LARP1B: variants seen among roughly 807,000 people sequenced by gnomAD.
The protein encoded by LARP1B is La ribonucleoprotein 1B.
A neutral mutation model predicts 114.2 loss-of-function variants in LARP1B; 76 were observed. That is an observed-to-expected ratio of 0.67 (90% CI 0.55 to 0.81). LARP1B has a LOEUF of 0.81. LARP1B is among the 30% of genes least tolerant of loss of function. LARP1B has a pLI of 0.00. For missense variants in LARP1B, 1,014 were observed against 1,075.8 expected (o/e 0.94, Z 0.80); for synonymous variants, 345 against 348.0 (o/e 0.99, Z 0.10).
chr4:128,221,666 A>G (rs969838526), intron 7 of LARP1B, among the ~76,000 whole-genome samples: 3 of 152,180 alleles, frequency 2.0e-5, no homozygotes, highest in Admixed American at 6.5e-5. Context: ...ACAGTACTGT[A>G]ATGCTTAATG....
At chr4:128,092,862 C>G in intron 7 of LARP1B, 1 of 985,392 alleles carries the variant, frequency 1.0e-6, no homozygotes, top group Non-Finnish European at 1.2e-6. Context: ...CTATTACTGT[C>G]TTTTTTGTAA....
At chr4:128,098,767 A>ATATTTTTTT (rs1328165907) in intron 8 of LARP1B, among the ~76,000 whole-genome samples, 2 of 35,034 alleles carry the variant, frequency 5.7e-5, no homozygotes, top group African/African-American at 2.5e-4. Flanking sequence ...ATATATATAT[A>ATATTTTTTT]TTTTTTTTTT....
chr4:128,188,376 G>C (rs1751053418), intron 15 of LARP1B, among the ~76,000 whole-genome samples: 1 of 151,970 alleles, frequency 6.6e-6, no homozygotes, highest in African/African-American at 2.4e-5. Context: ...CGCCTGGCTG[G>C]GTATTTCTTT....
chr4:128,066,636 C>G (rs1763017510), intron 1 of LARP1B, among the ~76,000 whole-genome samples: 1 of 151,726 alleles, frequency 6.6e-6, no homozygotes, highest in African/African-American at 2.4e-5. Flanking sequence ...CGGCACCATG[C>G]CTGGCTAATT....
At chr4:128,188,367 G>T (rs556187506) in intron 15 of LARP1B, among the ~76,000 whole-genome samples, 3 of 152,126 alleles carry the variant, frequency 2.0e-5, no homozygotes, top group Admixed American at 2.0e-4. Context: ...GAGCCACTGC[G>T]CCTGGCTGGG....
At chr4:128,107,407 GA>G in intron 9 of LARP1B, 94 bp downstream of exon 9, 1 of 1,531,116 alleles carries the variant, frequency 6.5e-7, no homozygotes. Context: ...ATTTAGATTT[GA>G]TAGGAAAATT....
At chr4:128,167,253 T>C (rs1329989223) in intron 12 of LARP1B, among the ~76,000 whole-genome samples, 1 of 151,962 alleles carries the variant, frequency 6.6e-6, no homozygotes, top group African/African-American at 2.4e-5. Context: ...GAAGAGGGAC[T>C]GTTGGGTCAT....
chr4:128,112,466 A>ATTTTTTTTT (rs1174266918), intron 9 of LARP1B, among the ~76,000 whole-genome samples: 45 of 69,314 alleles, frequency 6.5e-4, no homozygotes, highest in Non-Finnish European at 9.6e-4. Context: ...TGCTTACTCT[A>ATTTTTTTTT]TTTTTTTTTT....
At chr4:128,209,555 G>A (rs1413329522) in intron 19 of LARP1B, among the ~76,000 whole-genome samples, 1 of 152,118 alleles carries the variant, frequency 6.6e-6, no homozygotes, top group African/African-American at 2.4e-5. Flanking sequence ...GGCTGATTTA[G>A]TTAGGAAGGA....
chr4:128,082,196 A>T lies in LARP1B; in HGVS notation c.249A>T (p.Leu83Phe), dbSNP rs1462091261. 5 of 1,612,498 alleles carry T rather than the reference A, an allele frequency of 3.1e-6. No individual in the cohort carries two copies. The highest frequency in any genetic ancestry group is 4.2e-6 in the Non-Finnish European group (5 of 1,179,926). Residue 83 changes from leucine (L) to phenylalanine (F), a missense_variant, in exon 5 of 20, where the codon TTA (leucine) becomes TTT (phenylalanine). Leu to Phe is a conservative substitution (Grantham distance 22). Transcript: ENST00000326639. Reference sequence around the variant, plus strand: ...AGCACAAGTGGGTACCACTCCACTTAGATGTTGTAAGATCAGAGAGTCAAG... The same window carrying T: ...AGCACAAGTGGGTACCACTCCACTTTGATGTTGTAAGATCAGAGAGTCAAG... The part of the protein sequence containing the change: ...ANKHKWVPLH[L>F]DVVRSESQER...
intron 15 of LARP1B, among the ~76,000 whole-genome samples, chr4:128,198,500 A>G (rs1181808085): frequency 6.6e-6 from 1 of 152,262 alleles, no homozygotes; most frequent in African/African-American, 2.4e-5. Flanking sequence ...TTGCAAGTGC[A>G]TAACAATGAA....
In LARP1B at chr4:128,098,778, T is replaced by A. The variant is rs1321828652; in HGVS notation, c.813+448T>A. Among the ~76,000 whole-genome samples, 697 of 77,320 alleles carry A rather than the reference T, an allele frequency of 9.0e-3. 15 individuals carry two copies. The highest frequency in any genetic ancestry group is 0.021 in the African/African-American group (460 of 21,976). The allele number at this position is 77,320 out of a possible 152,430, so 50.7% of individuals were successfully genotyped here. A position where few individuals can be genotyped will look rare whatever the true frequency, so the allele number is the denominator to read the frequency against. ...ATATATATATATATATTTTTTTTTT[T>A]TTTTTTTTTTTTTTTTTAAGACAGT... On this transcript the variant is annotated intron_variant, in intron 8 of 19. Coordinates refer to ENST00000326639, the MANE Select transcript of LARP1B (RefSeq NM_018078.4).
intron 15 of LARP1B, among the ~76,000 whole-genome samples, chr4:128,181,139 G>A (rs1428114856): frequency 6.7e-6 from 1 of 149,760 alleles, no homozygotes; most frequent in Non-Finnish European, 1.5e-5. Context: ...AGTTATTGAT[G>A]TGGTTGGATT....
intron 7 of LARP1B, among the ~76,000 whole-genome samples, chr4:128,097,875 A>T (rs542081710): frequency 6.6e-6 from 1 of 151,996 alleles, no homozygotes; most frequent in African/African-American, 2.4e-5. Context: ...TTAACTCATT[A>T]AAAAAAATTA....
In LARP1B at chr4:128,150,526, C is replaced by T. The variant is rs375632865; in HGVS notation, c.1525-11668C>T. On this transcript the variant is annotated intron_variant, in intron 11 of 19. Coordinates refer to ENST00000326639, the MANE Select transcript of LARP1B (RefSeq NM_018078.4). The stretch of plus-strand genomic sequence containing the variant: ...CATGCTGGTCTTGAATTCCTGGCCT[C>T]AAGTAATCCTTCCACATCAGCCTCC... Among the ~76,000 whole-genome samples the T allele has an allele frequency of 1.1e-4, 16 of 152,156 alleles. No homozygotes were observed. The East Asian group carries it at 2.3e-3, about 22-fold the overall frequency.
chr4:128,193,393 C>T (rs752801015), intron 15 of LARP1B, among the ~76,000 whole-genome samples: 31 of 152,132 alleles, frequency 2.0e-4, no homozygotes, highest in Non-Finnish European at 4.0e-4. Flanking sequence ...CACATACACA[C>T]ACCTATAAAG....
chr4:128,110,986 G>A (rs1181509659), intron 9 of LARP1B, among the ~76,000 whole-genome samples: 1 of 151,804 alleles, frequency 6.6e-6, no homozygotes, highest in African/African-American at 2.4e-5. Context: ...TAAGTTTGGA[G>A]GATACTTGAG....
At chr4:128,093,179 C>A in intron 7 of LARP1B, 1 of 278,682 alleles carries the variant, frequency 3.6e-6, no homozygotes, top group Non-Finnish European at 5.4e-6. Flanking sequence ...ATTATTATTA[C>A]CATTCTTTGA....
chr4:128,179,578 T>G, intron 15 of LARP1B, 66 bp downstream of exon 15: 1 of 974,446 alleles, frequency 1.0e-6, no homozygotes. Flanking sequence ...CAGTTACTAA[T>G]TGGATATTTC....
Sources: allele counts gnomAD v4.1 joint callset (sites outside exome capture counted in the v4.1 genomes callset), GRCh38; gene constraint gnomAD v4.1.1; transcripts MANE v1.5; gene names NCBI Gene and HGNC (gene_info 2026-07-23, HGNC 2026-07-21).